Variants in CRHR1 observed in about 807,000 individuals in gnomAD.
The protein encoded by CRHR1 is corticotropin releasing hormone receptor 1.
In CRHR1, 28 loss-of-function variants were observed where a neutral mutation model predicts 56.0. The observed-to-expected ratio is 0.50, with a 90% CI of 0.37 to 0.69. CRHR1 has a LOEUF of 0.69. Ranked by LOEUF, CRHR1 falls within the 30% of genes least tolerant of loss-of-function variation. The pLI is 0.00. For missense variants in CRHR1, 376 were observed against 548.0 expected, an observed-to-expected ratio of 0.69 and a Z score of 3.13; for synonymous variants, 195 against 216.5, an observed-to-expected ratio of 0.90 and a Z score of 0.87.
At chr17:45,805,117 T>C (rs190397524) in intron 1 of CRHR1, among the ~76,000 whole-genome samples, 15 of 152,266 alleles carry the variant, frequency 9.9e-5, no homozygotes, top group African/African-American at 3.4e-4. Context: ...ATAGATAATA[T>C]TTTAATATCA....
chr17:45,793,427 C>T (rs377766324), intron 1 of CRHR1, among the ~76,000 whole-genome samples: 18 of 152,250 alleles, frequency 1.2e-4, no homozygotes, highest in African/African-American at 4.1e-4. Context: ...CAAATGGGGA[C>T]TGGGGAGGCG....
chr17:45,794,865 TCTGCCTC>T (rs1472140916), intron 1 of CRHR1, among the ~76,000 whole-genome samples: 3 of 152,222 alleles, frequency 2.0e-5, no homozygotes, highest in Non-Finnish European at 4.4e-5. Flanking sequence ...AGGACCCGGC[TCTGCCTC>T]CTGCCTCTGA....
chr17:45,797,283 CT>C (rs899983592), intron 1 of CRHR1, among the ~76,000 whole-genome samples: 270 of 94,922 alleles, frequency 2.8e-3, no homozygotes, highest in African/African-American at 4.2e-3. Flanking sequence ...TTCTTTCTTT[CT>C]TTTTTTTTTT....
At chr17:45,819,250 T>C (rs62057108) in intron 3 of CRHR1, among the ~76,000 whole-genome samples, 21,831 of 152,236 alleles carry the variant, frequency 0.14, 2,140 homozygotes, top group Middle Eastern at 0.22. Flanking sequence ...ACTAAAAATA[T>C]TCAACTCTTG....
In CRHR1 at chr17:45,835,329, G is replaced by T. The variant is rs1028372710; in HGVS notation, c.*565G>T. 6.5e-6 allele frequency: 1 copy of T among 154,996 alleles called. No individual in the cohort carries two copies. The highest frequency in any genetic ancestry group is 3.4e-3 in the Middle Eastern group (1 of 298). The allele number at this position is 154,996 out of a possible 1,614,324, so 9.6% of individuals were successfully genotyped here. The stretch of plus-strand genomic sequence containing the variant: ...CATCAGACTTGCGGCCACAGCACTA[G>T]AGTCACCCCCCCAGGCCTCCAGAAC... On this transcript the variant is annotated 3_prime_UTR_variant, in exon 13 of 13. Coordinates refer to ENST00000314537, the MANE Select transcript of CRHR1 (RefSeq NM_004382.5).
intron 3 of CRHR1, among the ~76,000 whole-genome samples, chr17:45,817,356 G>A (rs2061950535): frequency 1.3e-5 from 2 of 152,168 alleles, no homozygotes; most frequent in Non-Finnish European, 2.9e-5. Flanking sequence ...CCTGATCCCT[G>A]CAATTGGGGC....
intron 4 of CRHR1, among the ~76,000 whole-genome samples, chr17:45,828,908 G>T (rs947591295): frequency 1.3e-5 from 2 of 152,212 alleles, no homozygotes; most frequent in African/African-American, 4.8e-5. Context: ...GCACCTGTGA[G>T]CCGGCCACAT....
intron 2 of CRHR1, among the ~76,000 whole-genome samples, chr17:45,815,483 T>A (rs1399551221): frequency 2.0e-5 from 3 of 152,254 alleles, no homozygotes; most frequent in Non-Finnish European, 2.9e-5. Context: ...ATCTTCTTTC[T>A]AGTTCAGATG....
intron 4 of CRHR1, chr17:45,826,264 T>A (rs1337213350): frequency 6.6e-6 from 1 of 152,312 alleles, no homozygotes; most frequent in South Asian, 2.1e-4. Context: ...AGGGTGTTCC[T>A]GGGTGCCTCT....
chr17:45,816,652 G>T lies in CRHR1; in HGVS notation c.241+70G>T. The T allele has an allele frequency of 1.1e-5, 17 of 1,602,408 alleles. No individual in the cohort carries two copies. The South Asian group carries it at 1.9e-4, about 18-fold the overall frequency. The stretch of plus-strand genomic sequence containing the variant: ...AGGATGGGGAGAGCTTGGAGGTGGG[G>T]GAAGGAAGAATGACGATGACAATAA... On this transcript the variant is annotated intron_variant, in intron 3 of 12. Transcript: ENST00000314537.
At chr17:45,789,454 G>A (rs748704295) in intron 1 of CRHR1, among the ~76,000 whole-genome samples, 11 of 151,478 alleles carry the variant, frequency 7.3e-5, no homozygotes, top group South Asian at 2.1e-4. Flanking sequence ...TCACTGCAGC[G>A]TCAACCTTGT....
chr17:45,798,012 G>A lies in CRHR1; in HGVS notation c.34-8998G>A, dbSNP rs1332147759. Among the ~76,000 whole-genome samples the A allele has an allele frequency of 2.0e-5, 3 of 152,088 alleles. No homozygotes were observed. The East Asian group carries it at 5.8e-4, about 29-fold the overall frequency. On this transcript the variant is annotated intron_variant, in intron 1 of 12. Transcript: ENST00000314537. The stretch of plus-strand genomic sequence containing the variant: ...GGTGCGGGGCTATGGCGGGAGCAAG[G>A]AGAGGAGAGGGAGCTCCTGCTGAGC...
Position 45,830,317 on chromosome 17 carries a change from TC to T in CRHR1, c.556-97del. On this transcript the variant is annotated intron_variant, in intron 6 of 12. Coordinates refer to ENST00000314537, the MANE Select transcript of CRHR1 (RefSeq NM_004382.5). The stretch of plus-strand genomic sequence containing the variant: ...AGGAGCCCACAGAACAGGAGTGGGA[TC>T]CCAGGGTATGCCCTGTCCTGCCCTG... 1.9e-6 allele frequency: 3 copies of T among 1,589,684 alleles called. No individual in the cohort carries two copies. The East Asian group carries it at 6.7e-5, about 36-fold the overall frequency.
At position 45,807,055 on chromosome 17, in the gene CRHR1, G is replaced by C. The variant is rs1485904522; in HGVS notation, c.79G>C (p.Asp27His). Residue 27 changes from aspartate to histidine, a missense_variant, in exon 2 of 13, where the codon GAC becomes CAC. By Grantham distance (81) the Asp-to-His change is moderately conservative (BLOSUM62 -1). This residue lies in a region of CRHR1 where 369 missense variants were observed against 519.5 expected (regional missense o/e 0.71). Coordinates refer to ENST00000314537, the MANE Select transcript of CRHR1 (RefSeq NM_004382.5). ...GAACCCCGTCTCTGCCTCCCTCCAG[G>C]ACCAGCACTGCGAGAGCCTGTCCCT... ...GLNPVSASLQDQHCESLSLAS... is the reference protein window; with the variant it reads ...GLNPVSASLQHQHCESLSLAS... The C allele has an allele frequency of 6.2e-7, 1 of 1,613,936 alleles. No homozygotes were observed. The highest frequency in any genetic ancestry group is 8.5e-7 in the Non-Finnish European group (1 of 1,180,018).
chr17:45,804,517 A>T (rs2061684662), intron 1 of CRHR1, among the ~76,000 whole-genome samples: 1 of 151,318 alleles, frequency 6.6e-6, no homozygotes, highest in Non-Finnish European at 1.5e-5. Context: ...ACTGGGAGGG[A>T]GTGGGTACCG....
intron 1 of CRHR1, among the ~76,000 whole-genome samples, chr17:45,792,933 CA>C (rs1426728592): frequency 6.6e-6 from 1 of 152,118 alleles, no homozygotes; most frequent in Non-Finnish European, 1.5e-5. Flanking sequence ...CAAAACAAAA[CA>C]AAAAAATAAC....
chr17:45,816,649 G>C (rs574439783), intron 3 of CRHR1, 67 bp downstream of exon 3: 3 of 1,602,766 alleles, frequency 1.9e-6, no homozygotes, highest in Non-Finnish European at 1.7e-6. Context: ...GCTTGGAGGT[G>C]GGGGAAGGAA....
chr17:45,830,419 C>T lies in CRHR1; in HGVS notation c.558C>T (p.Gly186=). ...MSPEVHQSNV[G]WCRLVTAAYN... ...TCTGGTTGGGGGTGGGGTGGCAGGG[C>T]TGGTGCAGGTTGGTGACAGCCGCCT... The change falls in exon 7 of 13, where the codon GGC becomes GGT. Residue 186 remains glycine, a splice_region_variant and synonymous_variant. Transcript: ENST00000314537. The T allele has an allele frequency of 1.2e-6, 2 of 1,605,046 alleles. No homozygotes were observed. The highest frequency in any genetic ancestry group is 1.7e-6 in the Non-Finnish European group (2 of 1,175,110).
chr17:45,814,614 C>T lies in CRHR1; in HGVS notation c.122-1849C>T, dbSNP rs531602998. On this transcript the variant is annotated intron_variant, in intron 2 of 12. Coordinates refer to ENST00000314537, the MANE Select transcript of CRHR1 (RefSeq NM_004382.5). ...CCTCTATACGATCCTCCCCTCCCCG[C>T]GGCCACATGCCCCCAGCTCTCCCCC... is the stretch of plus-strand genomic sequence containing the variant. Among the ~76,000 whole-genome samples the T allele has an allele frequency of 3.3e-5, 5 of 152,334 alleles. No homozygotes were observed. The South Asian group carries it at 8.3e-4, about 25-fold the overall frequency.
Sources: allele counts gnomAD v4.1 joint callset (sites outside exome capture counted in the v4.1 genomes callset), GRCh38; gene constraint gnomAD v4.1.1; regional missense constraint gnomAD v4.1.1; transcripts MANE v1.5; gene names NCBI Gene and HGNC (gene_info 2026-07-23, HGNC 2026-07-21).